Variants in ZNF536 observed in about 807,000 individuals in gnomAD.
The protein encoded by ZNF536 is zinc finger protein 536.
In ZNF536, 13 loss-of-function variants were observed where a neutral mutation model predicts 84.5. The observed-to-expected ratio is 0.15, with a 90% confidence interval of 0.10 to 0.24. The LOEUF is 0.24. ZNF536 is among the 10% of genes least tolerant of loss of function. ZNF536 has a pLI of 1.00. For missense variants in ZNF536, 1,536 were observed against 1,747.5 expected, an observed-to-expected ratio of 0.88 and a Z score of 2.16; for synonymous variants, 811 against 742.5, an observed-to-expected ratio of 1.09 and a Z score of -1.50.
At position 30,331,395 on chromosome 19, in the gene ZNF536, C is replaced by T. The variant is rs113171893; in HGVS notation, c.-119-20973C>T. 2.3e-3 allele frequency among the ~76,000 whole-genome samples: 335 copies of T among 145,464 alleles called. 1 individual carries two copies. Among genetic ancestry groups the T allele is most frequent in the African/African-American group, 8.1e-3 (320 of 39,320 alleles). On this transcript the variant is annotated intron_variant, in intron 2 of 5. Transcript: ENST00000585628. ...ACTGAATACTATAAATCTTAGATCT[C>T]TTCTGTCTCTGCAGTGGTCATGCTG...
At chr19:30,514,467 G>A (rs1455637091) in intron 2 of ZNF536, among the ~76,000 whole-genome samples, 1 of 151,998 alleles carries the variant, frequency 6.6e-6, no homozygotes, top group Non-Finnish European at 1.5e-5. Context: ...AGACTCACAG[G>A]GAGATGAGAA....
intron 1 of ZNF536, among the ~76,000 whole-genome samples, chr19:30,235,815 T>A (rs756248969): frequency 6.6e-6 from 1 of 152,228 alleles, no homozygotes; most frequent in Non-Finnish European, 1.5e-5. Flanking sequence ...AGAGCTAAAG[T>A]GCTTTAATTA....
At chr19:30,711,262 A>T (rs576761370) in exon 2 of ZNF536, 1 of 152,226 alleles carries the variant, frequency 6.6e-6, no homozygotes, top group South Asian at 2.1e-4. Flanking sequence ...TGATTTCAAA[A>T]ATTCTTGGTG....
chr19:30,531,773 C>T (rs978689051), intron 2 of ZNF536, among the ~76,000 whole-genome samples: 1 of 152,048 alleles, frequency 6.6e-6, no homozygotes. Context: ...TACAGGCATG[C>T]CCCACCACAC....
chr19:30,451,067 G>A (rs2148310566), intron 2 of ZNF536, among the ~76,000 whole-genome samples: 1 of 152,350 alleles, frequency 6.6e-6, no homozygotes, highest in South Asian at 2.1e-4. Flanking sequence ...GGCGGACGCC[G>A]GCCAAGGCCC....
intron 2 of ZNF536, among the ~76,000 whole-genome samples, chr19:30,481,044 A>T (rs1413975420): frequency 6.8e-6 from 1 of 147,324 alleles, no homozygotes; most frequent in African/African-American, 2.6e-5. Flanking sequence ...AAAAAAAAAA[A>T]GGGTGGGTTG....
intron 1 of ZNF536, among the ~76,000 whole-genome samples, chr19:30,702,671 C>T (rs1416527413): frequency 6.6e-6 from 1 of 152,200 alleles, no homozygotes; most frequent in African/African-American, 2.4e-5. Context: ...CCCTGTACCT[C>T]GCTGACCTGC....
intron 2 of ZNF536, among the ~76,000 whole-genome samples, chr19:30,313,266 T>C (rs1348247198): frequency 6.6e-6 from 1 of 152,176 alleles, no homozygotes; most frequent in Non-Finnish European, 1.5e-5. Context: ...CCTTGTACAG[T>C]GAGCTTTCGG....
rs74787127 is a variant in ZNF536, at chr19:30,628,262, G to A, written c.169+78748G>A. Among the ~76,000 whole-genome samples, 789 of 152,256 alleles carry A rather than the reference G, an allele frequency of 5.2e-3. 1 individual carries two copies. The highest frequency in any genetic ancestry group is 9.8e-3 in the South Asian group (47 of 4,818). ...AGAGGGTCTGCCACCAGTCACAGCC[G>A]CCTGCTACGATGCTGGCCCCGTGGC... is the stretch of plus-strand genomic sequence containing the variant. On this transcript the variant is annotated intron_variant, in intron 1 of 1. Transcript: ENST00000592773.
chr19:30,276,644 GT>G (rs1208685053), intron 1 of ZNF536, among the ~76,000 whole-genome samples: 1 of 152,192 alleles, frequency 6.6e-6, no homozygotes, highest in Non-Finnish European at 1.5e-5. Context: ...TGTGTGGGTT[GT>G]TTGAATACCA....
At chr19:30,343,242 A>G (rs1312703393) in intron 2 of ZNF536, among the ~76,000 whole-genome samples, 1 of 152,168 alleles carries the variant, frequency 6.6e-6, no homozygotes, top group Non-Finnish European at 1.5e-5. Flanking sequence ...CAGATTATAA[A>G]CAGTGTCGGC....
At chr19:30,410,151 C>T (rs2050419287) in intron 1 of ZNF536, among the ~76,000 whole-genome samples, 1 of 151,966 alleles carries the variant, frequency 6.6e-6, no homozygotes, top group Non-Finnish European at 1.5e-5. Context: ...CTTTTTAGTG[C>T]CATGCTTTGA....
chr19:30,298,767 C>T (rs1400789527), intron 2 of ZNF536, among the ~76,000 whole-genome samples: 1 of 152,210 alleles, frequency 6.6e-6, no homozygotes, highest in East Asian at 1.9e-4. Context: ...GCCAGTGGGC[C>T]TGGAATTATA....
intron 1 of ZNF536, among the ~76,000 whole-genome samples, chr19:30,238,529 A>G (rs2023710069): frequency 6.6e-6 from 1 of 152,158 alleles, no homozygotes; most frequent in South Asian, 2.1e-4. Context: ...TAGGGACATT[A>G]TAAACTGTGC....
chr19:30,548,052 G>T lies in ZNF536; in HGVS notation c.2433G>T (p.Pro811=). The change falls in exon 4 of 5, where the codon CCG becomes CCT. Residue 811 remains proline, a synonymous_variant. Coordinates refer to ENST00000355537, the MANE Select transcript of ZNF536 (RefSeq NM_014717.3). ...GGGAGCGGCAGAACGGGGCTGGGCCGCTGTCTGGGCAACCCCCAAATCAAG... is the reference window on the plus strand; with the variant it reads ...GGGAGCGGCAGAACGGGGCTGGGCCTCTGTCTGGGCAACCCCCAAATCAAG... The part of the protein sequence containing the change: ...HHRERQNGAG[P]LSGQPPNQDH... 6.2e-7 allele frequency: 1 copy of T among 1,614,082 alleles called. No individual in the cohort carries two copies.
intron 1 of ZNF536, among the ~76,000 whole-genome samples, chr19:30,388,723 A>G (rs2049451881): frequency 6.6e-6 from 1 of 152,222 alleles, no homozygotes; most frequent in Non-Finnish European, 1.5e-5. Flanking sequence ...AGTTCTTTAG[A>G]AACAAATGCT....
intron 1 of ZNF536, among the ~76,000 whole-genome samples, chr19:30,701,368 TACACAA>T (rs796354108): frequency 2.2e-4 from 18 of 80,058 alleles, no homozygotes; most frequent in East Asian, 1.1e-3. Context: ...CAAACACAAA[TACACAA>T]ACACAAACAC....
At chr19:30,663,802 A>G (rs2050207178) in intron 1 of ZNF536, among the ~76,000 whole-genome samples, 1 of 152,232 alleles carries the variant, frequency 6.6e-6, no homozygotes. Flanking sequence ...TATGTCCATG[A>G]TCGTGGAATT....
At chr19:30,606,789 C>T (rs1216912787) in intron 1 of ZNF536, among the ~76,000 whole-genome samples, 2 of 152,166 alleles carry the variant, frequency 1.3e-5, no homozygotes, top group South Asian at 2.1e-4. Context: ...AGCTGTGATC[C>T]TGAGAACGTT....
Sources: allele counts gnomAD v4.1 joint callset (sites outside exome capture counted in the v4.1 genomes callset), GRCh38; gene constraint gnomAD v4.1.1; transcripts MANE v1.5; gene names NCBI Gene and HGNC (gene_info 2026-07-23, HGNC 2026-07-21).